CACNA1C: variants seen among roughly 807,000 people sequenced by gnomAD.
The protein encoded by CACNA1C is calcium voltage-gated channel subunit alpha1 C, also known as voltage-dependent L-type calcium channel subunit alpha-1C.
In CACNA1C, 30 loss-of-function variants were observed where a neutral mutation model predicts 229.0. The ratio of observed to expected loss-of-function variants is 0.13; its 90% CI spans 0.10 to 0.18. The LOEUF (loss-of-function observed/expected upper bound fraction) is 0.18. Among genes scored for constraint, CACNA1C ranks in the 10% least tolerant of loss-of-function variants. The pLI is 1.00. For missense variants in CACNA1C, 1,658 were observed against 2,845.0 expected (o/e 0.58, Z 9.49); for synonymous variants, 1,114 against 1,132.5 (o/e 0.98, Z 0.33).
At chr12:2,368,347 T>G (rs1435515363) in intron 3 of CACNA1C, among the ~76,000 whole-genome samples, 2 of 152,174 alleles carry the variant, frequency 1.3e-5, no homozygotes. Context: ...GAGAAAATTA[T>G]CAATATTTGC....
intron 1 of CACNA1C, among the ~76,000 whole-genome samples, chr12:2,028,113 A>G (rs563353618): frequency 6.6e-6 from 1 of 152,382 alleles, no homozygotes; most frequent in East Asian, 1.9e-4. Context: ...ACAGTGTTAA[A>G]GAATGCCTAA....
intron 3 of CACNA1C, among the ~76,000 whole-genome samples, chr12:2,358,251 CTGTG>C (rs57191390): frequency 0.11 from 15,415 of 135,442 alleles, 935 homozygotes; most frequent in Middle Eastern, 0.2. Flanking sequence ...CGGCGTCCTC[CTGTG>C]TGTGTGTGTG....
At chr12:2,225,894 G>A (rs186116749) in intron 3 of CACNA1C, among the ~76,000 whole-genome samples, 19 of 152,242 alleles carry the variant, frequency 1.2e-4, no homozygotes, top group Non-Finnish European at 2.6e-4. Flanking sequence ...CCATACAAAT[G>A]TAATCACTGA....
intron 8 of CACNA1C, among the ~76,000 whole-genome samples, chr12:2,508,732 T>G (rs7136999): frequency 0.47 from 70,898 of 152,074 alleles, 19,381 homozygotes; most frequent in African/African-American, 0.76. Flanking sequence ...TCTATCTGGA[T>G]CATGCACACA....
At chr12:2,013,532 T>A (rs1433003389) in intron 1 of CACNA1C, among the ~76,000 whole-genome samples, 1 of 152,230 alleles carries the variant, frequency 6.6e-6, no homozygotes. Context: ...GCCAGGCCCC[T>A]GATTTATTTC....
In CACNA1C at chr12:2,207,646, CA is replaced by C. The variant is rs1358169226; in HGVS notation, c.477+87224del. Among the ~76,000 whole-genome samples, 7 of 151,298 alleles carry C rather than the reference CA, an allele frequency of 4.6e-5. No homozygotes were observed. The South Asian group carries it at 6.3e-4, about 14-fold the overall frequency. ...GCAACATAGCAACACCTCGTCTCTA[CA>C]AAAAAAAGTAAAAAAAATTAGTCAG... is the stretch of plus-strand genomic sequence containing the variant. On this transcript the variant is annotated intron_variant, in intron 3 of 46. Transcript: ENST00000399655.
chr12:2,087,806 A>T (rs1184282666), intron 1 of CACNA1C, among the ~76,000 whole-genome samples: 1 of 152,186 alleles, frequency 6.6e-6, no homozygotes, highest in Non-Finnish European at 1.5e-5. Flanking sequence ...TCTTTGAAAA[A>T]AATAAAAAAG....
At chr12:2,004,311 A>G in intron 1 of CACNA1C, 1 of 1,613,326 alleles carries the variant, frequency 6.2e-7, no homozygotes, top group Non-Finnish European at 8.5e-7. Context: ...CCGAAGGTGT[A>G]CAGAGCCACC....
intron 3 of CACNA1C, among the ~76,000 whole-genome samples, chr12:2,267,107 G>T (rs1161985579): frequency 6.6e-6 from 1 of 152,128 alleles, no homozygotes; most frequent in African/African-American, 2.4e-5. Flanking sequence ...TGAGAGCAGG[G>T]GTTCTACGGG....
At chr12:2,070,943 C>G (rs549830447) in intron 1 of CACNA1C, among the ~76,000 whole-genome samples, 6 of 140,616 alleles carry the variant, frequency 4.3e-5, no homozygotes, top group African/African-American at 1.6e-4. Context: ...TTTCCCCTTT[C>G]CCCTTCCCTC....
At chr12:2,560,472 C>T (rs2046856738) in intron 11 of CACNA1C, among the ~76,000 whole-genome samples, 1 of 152,170 alleles carries the variant, frequency 6.6e-6, no homozygotes, top group African/African-American at 2.4e-5. Context: ...TCCAGGTTTT[C>T]ACTTAGAGGA....
At chr12:2,474,337 T>G (rs1424490729) in intron 5 of CACNA1C, among the ~76,000 whole-genome samples, 1 of 152,182 alleles carries the variant, frequency 6.6e-6, no homozygotes, top group Non-Finnish European at 1.5e-5. Flanking sequence ...ACAAAGAGAA[T>G]GTCGCAAAGA....
intron 3 of CACNA1C, among the ~76,000 whole-genome samples, chr12:2,178,244 A>G (rs1207397517): frequency 6.6e-6 from 1 of 152,192 alleles, no homozygotes; most frequent in East Asian, 1.9e-4. Context: ...CATCAGTTTA[A>G]CAGGAGAGGA....
chr12:2,177,644 C>CTTTA (rs1477487461), intron 3 of CACNA1C, among the ~76,000 whole-genome samples: 1 of 129,574 alleles, frequency 7.7e-6, no homozygotes, highest in Admixed American at 9.2e-5. Context: ...CTCTTTCTTT[C>CTTTA]TTTCTTTCTT....
At chr12:2,088,415 C>T (rs2068597265) in intron 1 of CACNA1C, among the ~76,000 whole-genome samples, 1 of 152,176 alleles carries the variant, frequency 6.6e-6, no homozygotes, top group Admixed American at 6.5e-5. Flanking sequence ...ACGTACTTTG[C>T]TGTCAGGCTG....
At chr12:2,547,440 TC>T in intron 9 of CACNA1C, 1 of 779,716 alleles carries the variant, frequency 1.3e-6, no homozygotes, top group South Asian at 1.3e-5. Context: ...GACCATCTTG[TC>T]TGTGAAAGGA....
At chr12:2,257,172 G>C (rs577251780) in intron 3 of CACNA1C, among the ~76,000 whole-genome samples, 1 of 152,144 alleles carries the variant, frequency 6.6e-6, no homozygotes, top group South Asian at 2.1e-4. Context: ...GGCCAAGATC[G>C]TCCAGGCCCG....
intron 1 of CACNA1C, among the ~76,000 whole-genome samples, chr12:2,092,499 G>A (rs976983390): frequency 6.6e-6 from 1 of 152,156 alleles, no homozygotes; most frequent in Non-Finnish European, 1.5e-5. Flanking sequence ...CCTGGACGTG[G>A]CATTGAGGGG....
chr12:2,611,012 G>A (rs960205086), intron 28 of CACNA1C, among the ~76,000 whole-genome samples: 15 of 151,156 alleles, frequency 9.9e-5, no homozygotes, highest in African/African-American at 3.7e-4. Context: ...TGAGCTGGAT[G>A]TGTTCGTTGT....
Sources: gnomAD v4.1 joint callset for allele counts (sites outside exome capture counted in the v4.1 genomes callset) on GRCh38, gnomAD v4.1.1 for gene constraint, MANE v1.5 for transcripts, NCBI Gene and HGNC (gene_info 2026-07-23, HGNC 2026-07-21) for gene names.